Variants in TNFRSF8 observed in about 807,000 individuals in gnomAD.
TNFRSF8 encodes the protein tumor necrosis factor receptor superfamily member 8.
TNFRSF8 carries 26 observed loss-of-function variants against 70.8 expected under a neutral mutation model. The ratio of observed to expected loss-of-function variants is 0.37; its 90% confidence interval spans 0.27 to 0.51. The LOEUF (loss-of-function observed/expected upper bound fraction) is 0.51. Ranked by LOEUF, TNFRSF8 falls within the 20% of genes least tolerant of loss-of-function variation. The pLI is 0.94. For missense variants in TNFRSF8, 720 were observed against 807.9 expected (o/e 0.89, Z 1.32); for synonymous variants, 356 against 339.2 (o/e 1.05, Z -0.54).
chr1:12,074,207 C>A (rs1283462724), intron 1 of TNFRSF8, among the ~76,000 whole-genome samples: 1 of 152,098 alleles, frequency 6.6e-6, no homozygotes, highest in Non-Finnish European at 1.5e-5. Flanking sequence ...ACCTCCCCAC[C>A]ACATTAATGA....
At chr1:12,135,465 C>A in intron 12 of TNFRSF8, 123 bp from the exon 13 acceptor site, 2 of 1,387,726 alleles carry the variant, frequency 1.4e-6, no homozygotes, top group East Asian at 2.4e-5. Context: ...GACTGAGGAC[C>A]TGACCCCTGG....
chr1:12,065,128 T>G (rs540832585), intron 1 of TNFRSF8, among the ~76,000 whole-genome samples: 42 of 129,106 alleles, frequency 3.3e-4, no homozygotes, highest in Admixed American at 1.4e-3. Context: ...TTGTTGCCCA[T>G]GCTGGAGTGC....
chr1:12,094,495 G>A (rs1641296555), intron 2 of TNFRSF8, among the ~76,000 whole-genome samples: 2 of 152,294 alleles, frequency 1.3e-5, no homozygotes, highest in African/African-American at 4.8e-5. Context: ...GACCCATCCT[G>A]GGAGCCATGA....
Position 12,109,707 on chromosome 1 carries a change from G to T in TNFRSF8, c.512+51G>T. The T allele has an allele frequency of 6.6e-7, 1 of 1,504,532 alleles. No homozygotes were observed. 93.2% of individuals were successfully genotyped at this position (1,504,532 alleles called of 1,614,324 possible). A position where few individuals can be genotyped will look rare whatever the true frequency, so the allele number is the denominator to read the frequency against. ...TCTTCCCCCAAGCTGGCTTTCAGAT[G>T]AGGCTGCCCCACCCCACAGGACGCC... On this transcript the variant is annotated intron_variant, in intron 5 of 14. Coordinates refer to ENST00000263932, the MANE Select transcript of TNFRSF8 (RefSeq NM_001243.5). The surrounding 1 kb of genome is among the most constrained non-coding windows in gnomAD (Gnocchi z 4.4).
chr1:12,138,171 CAG>C lies in TNFRSF8; in HGVS notation c.1336-54_1336-53del. 4.5e-6 allele frequency: 7 copies of C among 1,563,138 alleles called. No individual in the cohort carries two copies. Among genetic ancestry groups the C allele is most frequent in the Non-Finnish European group, 5.2e-6 (6 of 1,147,390 alleles). On this transcript the variant is annotated intron_variant, in intron 13 of 14. Transcript: ENST00000263932. This position sits in a 1 kb window ranked among gnomAD's most constrained non-coding sequence, Gnocchi z 5.7. ...GAAAAAAAAAAGGGGCCTCCCAGTT[CAG>C]AGACTGGTGGGGAGGTTGGGGGTAC...
At chr1:12,071,506 G>A (rs1257083837) in intron 1 of TNFRSF8, among the ~76,000 whole-genome samples, 2 of 152,170 alleles carry the variant, frequency 1.3e-5, no homozygotes, top group Admixed American at 6.5e-5. Context: ...GTAGCAAAAT[G>A]TTTCCTTGCT....
At chr1:12,089,685 A>T (rs1641214148) in intron 2 of TNFRSF8, among the ~76,000 whole-genome samples, 1 of 152,142 alleles carries the variant, frequency 6.6e-6, no homozygotes, top group Non-Finnish European at 1.5e-5. Context: ...CTAGTAGGGG[A>T]GGTGACATGC....
chr1:12,118,238 G>A (rs970864093), intron 8 of TNFRSF8, among the ~76,000 whole-genome samples: 1 of 151,550 alleles, frequency 6.6e-6, no homozygotes, highest in African/African-American at 2.4e-5. Flanking sequence ...AGCCTCCCAA[G>A]TAGCTGGGAT....
chr1:12,093,608 C>T (rs1300696932), intron 2 of TNFRSF8, among the ~76,000 whole-genome samples: 1 of 151,896 alleles, frequency 6.6e-6, no homozygotes, highest in Non-Finnish European at 1.5e-5. Context: ...TGGCGCTATG[C>T]CCGCTCACTG....
At chr1:12,064,874 T>G (rs183196504) in intron 1 of TNFRSF8, among the ~76,000 whole-genome samples, 45 of 151,988 alleles carry the variant, frequency 3.0e-4, no homozygotes, top group Non-Finnish European at 4.3e-4. Context: ...AGTGCCAAGG[T>G]CTTGGGGAGA....
intron 2 of TNFRSF8, among the ~76,000 whole-genome samples, chr1:12,089,398 C>A (rs937397171): frequency 2.0e-5 from 3 of 152,226 alleles, no homozygotes; most frequent in African/African-American, 7.2e-5. Context: ...GGCCAAGCTT[C>A]CATTGTCCCC....
intron 3 of TNFRSF8, among the ~76,000 whole-genome samples, chr1:12,097,627 C>T (rs1570021275): frequency 6.6e-6 from 1 of 152,212 alleles, no homozygotes; most frequent in African/African-American, 2.4e-5. Context: ...GTGTTCTTTT[C>T]CTAAGATCAC....
intron 1 of TNFRSF8, among the ~76,000 whole-genome samples, chr1:12,075,590 A>C (rs1640930187): frequency 6.6e-6 from 1 of 152,200 alleles, no homozygotes; most frequent in African/African-American, 2.4e-5. Flanking sequence ...TCTGAAAGTC[A>C]GCGGGTTCAC....
rs61217115 is a variant in TNFRSF8, at chr1:12,089,600, A to C, written c.151+5049A>C. ...ATAGGACTGGCCCAATGCAGCAAGCATTTATTGAGCTCTGTTGGATATAGG... is the reference window on the plus strand; with the variant it reads ...ATAGGACTGGCCCAATGCAGCAAGCCTTTATTGAGCTCTGTTGGATATAGG... On this transcript the variant is annotated intron_variant, in intron 2 of 14. Transcript: ENST00000263932. Among the ~76,000 whole-genome samples, 824 of 152,288 alleles carry C rather than the reference A, an allele frequency of 5.4e-3. 8 individuals carry two copies. The highest frequency in any genetic ancestry group is 0.019 in the African/African-American group (771 of 41,556).
chr1:12,115,460 T>C (rs758428852), intron 7 of TNFRSF8, 117 bp from the exon 8 acceptor site: 143 of 1,143,676 alleles, frequency 1.3e-4, no homozygotes, highest in Non-Finnish European at 1.8e-4. Flanking sequence ...AGACGAGCAT[T>C]TATTTTCTTG....
chr1:12,135,484 C>T, intron 12 of TNFRSF8, 104 bp from the exon 13 acceptor site: 2 of 1,532,562 alleles, frequency 1.3e-6, no homozygotes, highest in Non-Finnish European at 1.8e-6. Flanking sequence ...GGGCTGAGTT[C>T]AGCACCACCT....
At chr1:12,134,767 A>AG (rs1642114492) in intron 12 of TNFRSF8, among the ~76,000 whole-genome samples, 1 of 152,194 alleles carries the variant, frequency 6.6e-6, no homozygotes, top group Non-Finnish European at 1.5e-5. Flanking sequence ...TGGCATCTGC[A>AG]GGATCCATCA....
chr1:12,082,527 G>T (rs1336472696), intron 1 of TNFRSF8, among the ~76,000 whole-genome samples: 2 of 140,294 alleles, frequency 1.4e-5, no homozygotes, highest in East Asian at 4.1e-4. Flanking sequence ...TCTAGCCTGG[G>T]CAACAGAGTG....
intron 1 of TNFRSF8, among the ~76,000 whole-genome samples, chr1:12,075,017 G>A (rs1261523047): frequency 6.6e-6 from 1 of 152,132 alleles, no homozygotes; most frequent in Non-Finnish European, 1.5e-5. Flanking sequence ...AGCACTTTGG[G>A]AGGCCGAGGC....
Sources: gnomAD v4.1 joint callset for allele counts (sites outside exome capture counted in the v4.1 genomes callset) on GRCh38, gnomAD v4.1.1 for gene constraint, Gnocchi (gnomAD v3.1) non-coding constraint, MANE v1.5 for transcripts, NCBI Gene and HGNC (gene_info 2026-07-23, HGNC 2026-07-21) for gene names.